Variants in BNC1 observed in about 807,000 individuals in gnomAD.
BNC1 encodes the protein zinc finger protein basonuclin-1.
A neutral mutation model predicts 66.5 loss-of-function variants in BNC1; 8 were observed. The ratio of observed to expected loss-of-function variants is 0.12; its 90% CI spans 0.07 to 0.22. The LOEUF is 0.22. Among genes scored for constraint, BNC1 ranks in the 10% least tolerant of loss-of-function variants. BNC1 has a pLI of 1.00. For synonymous variants in BNC1, 454 were observed against 452.6 expected (o/e 1.00, Z -0.04); for missense variants, 1,069 against 1,241.3 (o/e 0.86, Z 2.09).
chr15:83,284,381 C>T (rs1471504194), intron 1 of BNC1, 149 bp downstream of exon 1: 40 of 398,066 alleles, frequency 1.0e-4, no homozygotes, highest in African/African-American at 6.5e-4. Context: ...CCTCCCGCCG[C>T]GCCTCGGGGC....
chr15:83,271,531 A>C (rs2038269748), intron 1 of BNC1, among the ~76,000 whole-genome samples: 1 of 152,246 alleles, frequency 6.6e-6, no homozygotes, highest in African/African-American at 2.4e-5. Context: ...CCATGTGATT[A>C]ACACTCACTT....
intron 1 of BNC1, among the ~76,000 whole-genome samples, chr15:83,282,067 T>C (rs1480398800): frequency 5.9e-5 from 9 of 152,246 alleles, no homozygotes; most frequent in South Asian, 2.1e-4. Context: ...CAAAGAACTT[T>C]AACCACTTTC....
intron 2 of BNC1, 128 bp from the exon 3 acceptor site, chr15:83,267,199 G>A: frequency 1.5e-6 from 1 of 674,640 alleles, no homozygotes; most frequent in East Asian, 2.7e-5. Context: ...ATATACAAAT[G>A]ATTAAATACC....
rs2038172870 is a variant in BNC1, at chr15:83,263,514, G to A, written c.1737C>T (p.Ala579=). ...LQVVSEDEQE[A]CSPQSHRVSE... ...ATACTCTGTGTGACTGAGGACTGCA[G>A]GCCTCCTGCTCATCTTCACTGACCA... is the stretch of plus-strand genomic sequence containing the variant. The change falls in exon 4 of 5, where the codon GCC becomes GCT. Residue 579 remains alanine (A), a synonymous_variant. Coordinates refer to ENST00000345382, the MANE Select transcript of BNC1 (RefSeq NM_001717.4). The A allele has an allele frequency of 1.2e-6, 2 of 1,614,130 alleles. No individual in the cohort carries two copies. The highest frequency in any genetic ancestry group is 2.7e-5 in the African/African-American group (2 of 74,946).
Position 83,283,342 on chromosome 15 carries a change from C to G in BNC1, c.99+1188G>C. On this transcript the variant is annotated intron_variant, in intron 1 of 4. Coordinates refer to ENST00000345382, the MANE Select transcript of BNC1 (RefSeq NM_001717.4). ...GGCAAAGCCAGGCGGCGGCGGGGCTCCGGGTCTGGGCGGCGGCTCCGGAGG... is the reference window on the plus strand; with the variant it reads ...GGCAAAGCCAGGCGGCGGCGGGGCTGCGGGTCTGGGCGGCGGCTCCGGAGG... 2.8e-6 allele frequency: 4 copies of G among 1,445,060 alleles called. No homozygotes were observed. The South Asian group carries it at 4.2e-5, about 15-fold the overall frequency. The allele number at this position is 1,445,060 out of a possible 1,614,324, so 89.5% of individuals were successfully genotyped here. A position where few individuals can be genotyped will look rare whatever the true frequency, so the allele number is the denominator to read the frequency against.
At chr15:83,266,474 A>G (rs1023309627) in intron 3 of BNC1, among the ~76,000 whole-genome samples, 1 of 152,212 alleles carries the variant, frequency 6.6e-6, no homozygotes, top group African/African-American at 2.4e-5. Flanking sequence ...CCCTTTCTCA[A>G]TCCCAAACTC....
rs542155265 is a variant in BNC1, at chr15:83,270,328, CAT to C, written c.100-2098_100-2097del. Among the ~76,000 whole-genome samples the C allele has an allele frequency of 3.0e-4, 45 of 152,318 alleles. 1 individual carries two copies. The South Asian group carries it at 4.6e-3, about 15-fold the overall frequency. On this transcript the variant is annotated intron_variant, in intron 1 of 4. Coordinates refer to ENST00000345382, the MANE Select transcript of BNC1 (RefSeq NM_001717.4). ...AACATGTACAATAATATGGTAGACA[CAT>C]GTTTTCACTTCTCTTGGGTATAGTC... is the stretch of plus-strand genomic sequence containing the variant.
chr15:83,269,098 C>G (rs1053636868), intron 1 of BNC1, among the ~76,000 whole-genome samples: 1 of 152,182 alleles, frequency 6.6e-6, no homozygotes, highest in Non-Finnish European at 1.5e-5. Flanking sequence ...GTGGCACATG[C>G]CTGTAGTCCC....
intron 4 of BNC1, among the ~76,000 whole-genome samples, chr15:83,260,225 T>C (rs974261601): frequency 7.2e-5 from 11 of 152,188 alleles, no homozygotes; most frequent in Non-Finnish European, 1.5e-4. Context: ...TATGAGAATC[T>C]AGCTGTCTTC....
intron 1 of BNC1, chr15:83,283,216 T>C (rs1195154761): frequency 2.6e-6 from 4 of 1,535,664 alleles, no homozygotes; most frequent in Non-Finnish European, 3.5e-6. Context: ...ACCGCATTTG[T>C]GAAAGTTTGG....
rs2038080221 is a variant in BNC1, at chr15:83,256,930, T to C, written c.*512A>G. 1 of 157,558 alleles carries C rather than the reference T, an allele frequency of 6.3e-6. No individual in the cohort carries two copies. The allele number at this position is 157,558 out of a possible 1,614,324, so 9.8% of individuals were successfully genotyped here. ...GCTGAGGGGAGGGACAATTATCCACTCCAAACACAGGGATGGTCTCAAAAA... is the reference window on the plus strand; with the variant it reads ...GCTGAGGGGAGGGACAATTATCCACCCCAAACACAGGGATGGTCTCAAAAA... On this transcript the variant is annotated 3_prime_UTR_variant, in exon 5 of 5. Coordinates refer to ENST00000345382, the MANE Select transcript of BNC1 (RefSeq NM_001717.4).
intron 1 of BNC1, among the ~76,000 whole-genome samples, chr15:83,282,745 T>C (rs2038392094): frequency 1.3e-5 from 2 of 152,220 alleles, no homozygotes; most frequent in South Asian, 4.1e-4. Flanking sequence ...CAAATGCTGT[T>C]TTTCAATTCA....
chr15:83,257,956 G>A lies in BNC1; in HGVS notation c.2471C>T (p.Thr824Ile). ...GTAAACCAGACTGCCCATTCGACTT[G>A]TTCCTTTGAAGATGACAGATGTCTG... ...ASQTSVIFKG[T>I]SRMGSLVYPI... Residue 824 changes from threonine (T) to isoleucine (I), a missense_variant, in exon 5 of 5, where the codon ACA becomes ATA. This residue lies in a region of BNC1 where 657 missense variants were observed against 715.8 expected (regional missense o/e 0.92). Coordinates refer to ENST00000345382, the MANE Select transcript of BNC1 (RefSeq NM_001717.4). 6.2e-7 allele frequency: 1 copy of A among 1,614,164 alleles called. No homozygotes were observed. The highest frequency in any genetic ancestry group is 8.5e-7 in the Non-Finnish European group (1 of 1,180,000).
intron 4 of BNC1, among the ~76,000 whole-genome samples, 171 bp downstream of exon 4, chr15:83,262,780 G>C (rs1447698247): frequency 6.6e-6 from 1 of 152,084 alleles, no homozygotes; most frequent in Non-Finnish European, 1.5e-5. Flanking sequence ...GCATCATCTG[G>C]GAACTTGTTA....
chr15:83,280,394 T>TA (rs1252216507), intron 1 of BNC1, among the ~76,000 whole-genome samples: 3 of 152,186 alleles, frequency 2.0e-5, no homozygotes, highest in African/African-American at 7.2e-5. Context: ...GCAAAACACT[T>TA]ACACTTTAGC....
Position 83,257,676 on chromosome 15 carries a change from C to G in BNC1, c.2751G>C (p.Gln917His). 1 of 1,614,146 alleles carries G rather than the reference C, an allele frequency of 6.2e-7. No individual in the cohort carries two copies. The highest frequency in any genetic ancestry group is 8.5e-7 in the Non-Finnish European group (1 of 1,180,018). The part of the protein sequence containing the change: ...PICVLMEKAD[Q>H]SLASLPSGLP... Reference sequence around the variant, plus strand: ...ACCCAGAAGGCAGGCTAGCAAGGCTCTGGTCAGCCTTCTCCATCAGGACAC... The same window carrying G: ...ACCCAGAAGGCAGGCTAGCAAGGCTGTGGTCAGCCTTCTCCATCAGGACAC... Residue 917 changes from glutamine to histidine, a missense_variant, in exon 5 of 5, where the codon CAG becomes CAC. By Grantham distance (24) the Gln-to-His change is conservative. Transcript: ENST00000345382.
intron 1 of BNC1, among the ~76,000 whole-genome samples, chr15:83,277,919 C>T (rs910775546): frequency 1.3e-5 from 2 of 152,116 alleles, no homozygotes; most frequent in Admixed American, 6.6e-5. Flanking sequence ...CTTATTAGAA[C>T]TGGATTTTTT....
At chr15:83,283,759 C>G (rs2038410138) in intron 1 of BNC1, among the ~76,000 whole-genome samples, 1 of 152,348 alleles carries the variant, frequency 6.6e-6, no homozygotes, top group East Asian at 1.9e-4. Flanking sequence ...GGAGCCGCGA[C>G]AAGGACTCCA....
Position 83,257,355 on chromosome 15 carries a change from T to C in BNC1, c.*87A>G, listed in dbSNP as rs2038084666. ...ATACTTTTGCCTGACTCGCCCCAAA[T>C]GATATGAAACAGAAACATTTCTATG... On this transcript the variant is annotated 3_prime_UTR_variant, in exon 5 of 5. Transcript: ENST00000345382. The C allele has an allele frequency of 7.1e-7, 1 of 1,414,844 alleles. No individual in the cohort carries two copies. Among genetic ancestry groups the C allele is most frequent in the East Asian group, 2.3e-5 (1 of 43,668 alleles). 87.6% of individuals were successfully genotyped at this position (1,414,844 alleles called of 1,614,324 possible).
Sources: gnomAD v4.1 joint callset for allele counts (sites outside exome capture counted in the v4.1 genomes callset) on GRCh38, gnomAD v4.1.1 for gene constraint, gnomAD v4.1.1 regional missense constraint, MANE v1.5 for transcripts, NCBI Gene and HGNC (gene_info 2026-07-23, HGNC 2026-07-21) for gene names.